The following LMBR1 variants were observed in gnomAD, a reference collection of about 807,000 sequenced individuals.
LMBR1 encodes limb development membrane protein 1, also known as limb region 1 protein homolog.
Under a neutral mutation model 73.9 loss-of-function variants are expected in LMBR1, and 52 were observed. That is an observed-to-expected ratio of 0.70 (90% CI 0.56 to 0.89). The LOEUF (loss-of-function observed/expected upper bound fraction) is 0.89, where lower values mean the gene tolerates loss of function less well. Ranked by LOEUF, LMBR1 falls within the 40% of genes least tolerant of loss-of-function variation. The pLI is 0.00. For missense variants in LMBR1, 539 were observed against 579.8 expected, an observed-to-expected ratio of 0.93 and a Z score of 0.72; for synonymous variants, 215 against 209.4, an observed-to-expected ratio of 1.03 and a Z score of -0.23.
chr7:156,813,461 A>T (rs891708683), intron 4 of LMBR1, among the ~76,000 whole-genome samples: 1 of 152,310 alleles, frequency 6.6e-6, no homozygotes, highest in African/African-American at 2.4e-5. Context: ...ACTCAACAAC[A>T]AAACAAAGTC....
At chr7:156,774,351 T>C (rs1825746775) in intron 5 of LMBR1, among the ~76,000 whole-genome samples, 1 of 152,156 alleles carries the variant, frequency 6.6e-6, no homozygotes, top group Admixed American at 6.5e-5. Context: ...AATCCAGCAA[T>C]CCCATTATTG....
At chr7:156,780,253 T>C (rs1190534192) in intron 5 of LMBR1, among the ~76,000 whole-genome samples, 1 of 152,200 alleles carries the variant, frequency 6.6e-6, no homozygotes, top group Non-Finnish European at 1.5e-5. Context: ...AACTATAAGA[T>C]GCTCAAGCTG....
At chr7:156,867,219 C>T (rs1329643454) in intron 1 of LMBR1, among the ~76,000 whole-genome samples, 1 of 152,106 alleles carries the variant, frequency 6.6e-6, no homozygotes, top group African/African-American at 2.4e-5. Context: ...CAATGAAATA[C>T]CACTTCATAC....
chr7:156,819,313 A>G (rs147007375), intron 4 of LMBR1, among the ~76,000 whole-genome samples: 81 of 152,342 alleles, frequency 5.3e-4, no homozygotes, highest in African/African-American at 1.8e-3. Context: ...AAAAAAAAGC[A>G]TTATCAACAC....
chr7:156,798,275 T>G (rs2133398533), intron 4 of LMBR1, among the ~76,000 whole-genome samples: 1 of 151,878 alleles, frequency 6.6e-6, no homozygotes, highest in Admixed American at 6.6e-5. Context: ...TTAATTAATT[T>G]TTGCTTTTAA....
intron 2 of LMBR1, 152 bp from the exon 3 acceptor site, chr7:156,833,944 C>T (rs1209804346): frequency 8.7e-6 from 5 of 576,706 alleles, no homozygotes; most frequent in Non-Finnish European, 1.5e-5. Flanking sequence ...AGCATAGATC[C>T]AAATTTAAAT....
chr7:156,743,118 T>C (rs745593210), intron 9 of LMBR1, among the ~76,000 whole-genome samples: 6 of 152,154 alleles, frequency 3.9e-5, no homozygotes, highest in South Asian at 2.1e-4. Context: ...CAAACCATTA[T>C]ATAAACAGGA....
chr7:156,786,625 C>T (rs1315014502), intron 5 of LMBR1, among the ~76,000 whole-genome samples: 3 of 152,136 alleles, frequency 2.0e-5, no homozygotes, highest in Non-Finnish European at 4.4e-5. Context: ...GTGAAACCAA[C>T]TATCAAATTA....
At chr7:156,722,084 T>C (rs1450833382) in intron 15 of LMBR1, among the ~76,000 whole-genome samples, 1 of 152,088 alleles carries the variant, frequency 6.6e-6, no homozygotes, top group Admixed American at 6.6e-5. Context: ...CTAAAAAAAC[T>C]GTTGAAATAA....
intron 1 of LMBR1, among the ~76,000 whole-genome samples, chr7:156,879,663 CAA>C (rs751353773): frequency 4.3e-5 from 4 of 92,410 alleles, no homozygotes; most frequent in Non-Finnish European, 8.7e-5. Context: ...GACTCTGTCT[CAA>C]AAAAAAAAAA....
chr7:156,712,911 G>T (rs1490111105), intron 15 of LMBR1, among the ~76,000 whole-genome samples: 1 of 152,104 alleles, frequency 6.6e-6, no homozygotes, highest in Non-Finnish European at 1.5e-5. Context: ...TGGGCATAGT[G>T]TACATTATTC....
At chr7:156,719,431 G>A (rs141071340) in intron 15 of LMBR1, among the ~76,000 whole-genome samples, 534 of 151,936 alleles carry the variant, frequency 3.5e-3, no homozygotes, top group African/African-American at 0.011. Context: ...GAATAGTGCC[G>A]CAATAAACAT....
intron 1 of LMBR1, among the ~76,000 whole-genome samples, chr7:156,859,878 T>C (rs1797489472): frequency 6.6e-6 from 1 of 152,198 alleles, no homozygotes; most frequent in South Asian, 2.1e-4. Context: ...GGACTGACAT[T>C]ACCTGACTTC....
chr7:156,745,530 G>A (rs192661506), intron 9 of LMBR1, among the ~76,000 whole-genome samples: 5 of 152,324 alleles, frequency 3.3e-5, no homozygotes, highest in African/African-American at 4.8e-5. Context: ...AGGAAACCTC[G>A]CTGGGTCTCT....
chr7:156,772,083 G>A (rs930815262), intron 5 of LMBR1, among the ~76,000 whole-genome samples: 2 of 152,124 alleles, frequency 1.3e-5, no homozygotes, highest in African/African-American at 2.4e-5. Context: ...AGACCAGCCT[G>A]ACCAACATGG....
intron 15 of LMBR1, among the ~76,000 whole-genome samples, chr7:156,710,467 A>C (rs1811848999): frequency 6.6e-6 from 1 of 152,218 alleles, no homozygotes; most frequent in Non-Finnish European, 1.5e-5. Flanking sequence ...ACCCAACTGG[A>C]CAAAGACAAA....
At chr7:156,782,348 G>A (rs1827293753) in intron 5 of LMBR1, among the ~76,000 whole-genome samples, 1 of 152,136 alleles carries the variant, frequency 6.6e-6, no homozygotes, top group Non-Finnish European at 1.5e-5. Flanking sequence ...TGGAATTGCT[G>A]GATCAGATGG....
intron 1 of LMBR1, among the ~76,000 whole-genome samples, chr7:156,849,760 C>G (rs1272805706): frequency 6.6e-6 from 1 of 152,114 alleles, no homozygotes; most frequent in Admixed American, 6.6e-5. Flanking sequence ...AGGTTAGATA[C>G]ATGTTCTTAT....
chr7:156,810,979 T>A (rs924683006), intron 4 of LMBR1, among the ~76,000 whole-genome samples: 7 of 150,966 alleles, frequency 4.6e-5, no homozygotes, highest in Non-Finnish European at 3.0e-5. Context: ...CCTGGCTAAT[T>A]TTTGTATTTT....
Sources: gnomAD v4.1 joint callset for allele counts (sites outside exome capture counted in the v4.1 genomes callset) on GRCh38, gnomAD v4.1.1 for gene constraint, MANE v1.5 for transcripts, NCBI Gene and HGNC (gene_info 2026-07-23, HGNC 2026-07-21) for gene names.